The following HAUS7 variants were observed in gnomAD, a reference collection of about 807,000 sequenced individuals.
HAUS7 encodes HAUS augmin-like complex subunit 7.
A neutral mutation model predicts 28.4 loss-of-function variants in HAUS7; 3 were observed. That is an observed-to-expected ratio of 0.11 (90% confidence interval 0.05 to 0.27). The LOEUF (loss-of-function observed/expected upper bound fraction) is 0.27, where lower values mean the gene tolerates loss of function less well. HAUS7 is among the 10% of genes least tolerant of loss of function. The pLI, the probability that HAUS7 is intolerant of heterozygous loss-of-function variation, is 1.00. For synonymous variants in HAUS7, 165 were observed against 132.1 expected (o/e 1.25, Z -1.71); for missense variants, 284 against 297.3 (o/e 0.96, Z 0.33).
At chrX:153,464,159 G>A (rs1308919714) in intron 3 of HAUS7, among the ~76,000 whole-genome samples, 2 of 112,696 alleles carry the variant, frequency 1.8e-5, no homozygotes, top group Non-Finnish European at 3.8e-5. Context: ...GGCAAGGCTG[G>A]GTTTCATCCC....
rs1248650896 is a variant in HAUS7, at chrX:153,470,484, G to C, written c.74C>G (p.Ser25Cys). ...YSEDEGDSSV[S>C]RAAVEVFGKL... ...CCCGAACACCTCCACAGCCGCCCTG[G>C]ACACGCTGCTGTCGCCCTCGTCCTC... The change falls in exon 1 of 10, where the codon TCC becomes TGC. Residue 25 changes from serine (S) to cysteine (C), a missense_variant. Ser to Cys is a moderately radical substitution (Grantham distance 112). Transcript: ENST00000370211. 8.3e-6 allele frequency: 10 copies of C among 1,206,772 alleles called. No homozygotes were observed. The highest frequency in any genetic ancestry group is 1.1e-5 in the Non-Finnish European group (10 of 893,201).
At chrX:153,466,361 G>A (rs782127441) in intron 2 of HAUS7, among the ~76,000 whole-genome samples, 1 of 112,273 alleles carries the variant, frequency 8.9e-6, no homozygotes, top group Non-Finnish European at 1.9e-5. Context: ...AGTAAGGGCT[G>A]TCACTCAAGT....
chrX:153,487,940 G>A (rs1556988885), intron 1 of HAUS7, among the ~76,000 whole-genome samples: 2 of 112,945 alleles, frequency 1.8e-5, no homozygotes, highest in Admixed American at 9.3e-5. Context: ...CCTGGGAACC[G>A]GATGGGTTTC....
At chrX:153,485,630 T>G in intron 1 of HAUS7, 1 of 244,602 alleles carries the variant, frequency 4.1e-6, no homozygotes, top group Non-Finnish European at 6.1e-6. Flanking sequence ...GTCCCAGCTG[T>G]TGAGAGTTCG....
chrX:153,475,874 C>A (rs2089559577), intron 1 of HAUS7, among the ~76,000 whole-genome samples: 1 of 111,900 alleles, frequency 8.9e-6, no homozygotes, highest in Admixed American at 9.4e-5. Context: ...GACCCTGAGG[C>A]CCAAATGCTC....
At chrX:153,464,957 C>T (rs782286487) in intron 3 of HAUS7, 31 bp downstream of exon 3, 1 of 1,046,023 alleles carries the variant, frequency 9.6e-7, no homozygotes, top group Admixed American at 2.2e-5. Flanking sequence ...AGGCTGTGGA[C>T]AAGCTCAGAA....
intron 1 of HAUS7, among the ~76,000 whole-genome samples, chrX:153,469,898 G>T (rs782648541): frequency 1.8e-5 from 2 of 111,309 alleles, no homozygotes; most frequent in Admixed American, 1.9e-4. Context: ...CGGACAGGAT[G>T]GGGGAGTGTC....
upstream of HAUS7, chrX:153,470,829 G>A (rs893888043): frequency 6.7e-5 from 28 of 417,494 alleles, no homozygotes; most frequent in East Asian, 1.4e-4. Context: ...GGCGGACACC[G>A]GGAAGGAGGC....
At chrX:153,473,717 G>A (rs1218073719), upstream of HAUS7, among the ~76,000 whole-genome samples, 4 of 112,760 alleles carry the variant, frequency 3.5e-5, no homozygotes, top group East Asian at 1.1e-3. Flanking sequence ...TCAGGCTCAG[G>A]ACGGTCTGAG....
At chrX:153,478,069 A>G (rs2089573625) in intron 1 of HAUS7, among the ~76,000 whole-genome samples, 1 of 111,866 alleles carries the variant, frequency 8.9e-6, no homozygotes, top group South Asian at 3.7e-4. Context: ...CCTTGCCCAC[A>G]ATTAACTCAT....
At chrX:153,452,753 C>G (rs1218916503) in intron 9 of HAUS7, among the ~76,000 whole-genome samples, 2 of 111,980 alleles carry the variant, frequency 1.8e-5, no homozygotes, top group African/African-American at 6.5e-5. Flanking sequence ...GAGGCCGAGA[C>G]AGGTGGATCA....
chrX:153,469,320 T>G, intron 1 of HAUS7, 59 bp from the exon 2 acceptor site: 1 of 503,757 alleles, frequency 2.0e-6, no homozygotes, highest in Non-Finnish European at 3.4e-6. Context: ...TCATTTCATT[T>G]TATTTATTTA....
chrX:153,488,215 A>G (rs1344709267), intron 1 of HAUS7, among the ~76,000 whole-genome samples: 2 of 111,817 alleles, frequency 1.8e-5, no homozygotes, highest in African/African-American at 6.5e-5. Context: ...TCGCTATCCC[A>G]CCCCATCACC....
chrX:153,478,013 G>A (rs986870798), intron 1 of HAUS7, among the ~76,000 whole-genome samples: 7 of 112,362 alleles, frequency 6.2e-5, no homozygotes, highest in Admixed American at 5.6e-4. Context: ...GGCCCTTGCC[G>A]GCCCCTGCCC....
intron 9 of HAUS7, among the ~76,000 whole-genome samples, chrX:153,448,858 G>A (rs2089201696): frequency 9.4e-6 from 1 of 106,471 alleles, no homozygotes; most frequent in African/African-American, 3.3e-5. Context: ...CTGTGCCCCC[G>A]CCCACCTGCC....
chrX:153,482,266 G>A (rs972642552), intron 1 of HAUS7: 98 of 746,973 alleles, frequency 1.3e-4, no homozygotes, highest in Non-Finnish European at 1.3e-4. Flanking sequence ...TGCCCAGGAA[G>A]GCCTGTGCCC....
chrX:153,478,184 C>T (rs782637729), intron 1 of HAUS7, among the ~76,000 whole-genome samples: 2 of 113,019 alleles, frequency 1.8e-5, no homozygotes, highest in African/African-American at 6.4e-5. Flanking sequence ...GATCAGTCCT[C>T]TCTGCCAGCC....
chrX:153,454,049 G>A (rs1189195743), intron 9 of HAUS7, among the ~76,000 whole-genome samples: 6 of 111,343 alleles, frequency 5.4e-5, no homozygotes, highest in African/African-American at 2.0e-4. Context: ...TATGCTCAAA[G>A]TGGTTCATCC....
intron 9 of HAUS7, among the ~76,000 whole-genome samples, chrX:153,452,520 G>C (rs1205686784): frequency 8.9e-6 from 1 of 112,237 alleles, no homozygotes; most frequent in Non-Finnish European, 1.9e-5. Context: ...TTTAAAAGAA[G>C]TGTTAAAGAA....
Sources: allele counts gnomAD v4.1 joint callset (sites outside exome capture counted in the v4.1 genomes callset), GRCh38; gene constraint gnomAD v4.1.1; transcripts MANE v1.5; gene names NCBI Gene and HGNC (gene_info 2026-07-23, HGNC 2026-07-21).